DYM: variants seen among roughly 807,000 people sequenced by gnomAD.
The protein encoded by DYM is dymeclin, also known as dyggve-Melchior-Clausen syndrome protein.
Under a neutral mutation model 93.1 loss-of-function variants are expected in DYM, and 78 were observed. The observed-to-expected ratio is 0.84, with a 90% CI of 0.70 to 1.01. DYM has a LOEUF of 1.01. Among genes scored for constraint, DYM ranks in the 50% least tolerant of loss-of-function variants. The pLI is 0.00. For missense variants in DYM, 789 were observed against 845.0 expected (o/e 0.93, Z 0.82); for synonymous variants, 321 against 319.7 (o/e 1.00, Z -0.04).
rs1203889860 is a variant in DYM, at chr18:49,340,102, C to T, written c.495-6249G>A. Among the ~76,000 whole-genome samples the T allele has an allele frequency of 2.0e-5, 3 of 152,120 alleles. No homozygotes were observed. The East Asian group carries it at 5.8e-4, about 29-fold the overall frequency. ...AGTAGCTGTGAACTACAGGCACCCG[C>T]CACCACGCCCAGCTAATTTTTCTGT... On this transcript the variant is annotated intron_variant, in intron 6 of 17. Coordinates refer to ENST00000675505, the MANE Select transcript of DYM (RefSeq NM_001353214.3).
At chr18:49,434,188 C>CA (rs886392499) in intron 1 of DYM, among the ~76,000 whole-genome samples, 15 of 150,858 alleles carry the variant, frequency 9.9e-5, no homozygotes, top group South Asian at 6.3e-4. Context: ...TACTAAAATA[C>CA]AAAAAAAAAT....
At chr18:49,144,371 C>A (rs7242876) in intron 15 of DYM, among the ~76,000 whole-genome samples, 114,341 of 151,844 alleles carry the variant, frequency 0.75, 43,874 homozygotes, top group Non-Finnish European at 0.83. Flanking sequence ...GAAACATAAT[C>A]TATGGTTCCC....
At chr18:49,224,386 G>A (rs975551761) in intron 13 of DYM, among the ~76,000 whole-genome samples, 2 of 152,036 alleles carry the variant, frequency 1.3e-5, no homozygotes, top group African/African-American at 2.4e-5. Context: ...GTGAGTCATC[G>A]GTGTAAGGAT....
At chr18:49,184,304 A>G (rs2090220039) in intron 14 of DYM, among the ~76,000 whole-genome samples, 1 of 151,772 alleles carries the variant, frequency 6.6e-6, no homozygotes, top group Non-Finnish European at 1.5e-5. Context: ...TTGAAAGAGT[A>G]TTGTCACTTC....
chr18:49,214,837 A>G (rs1223186788), intron 13 of DYM, among the ~76,000 whole-genome samples: 2 of 152,328 alleles, frequency 1.3e-5, no homozygotes. Context: ...AGATGTGAAT[A>G]AGATGATGAT....
intron 3 of DYM, among the ~76,000 whole-genome samples, chr18:49,381,721 T>C (rs967756377): frequency 3.3e-5 from 5 of 152,236 alleles, no homozygotes; most frequent in Admixed American, 6.5e-5. Context: ...AGAATCCCAC[T>C]GTGAGTAGCA....
chr18:49,428,875 CAT>C (rs907616546), intron 2 of DYM, among the ~76,000 whole-genome samples: 36 of 152,194 alleles, frequency 2.4e-4, no homozygotes, highest in Admixed American at 2.3e-3. Context: ...ATATATGAAA[CAT>C]ATCTCAAAAA....
intron 8 of DYM, among the ~76,000 whole-genome samples, chr18:49,331,388 C>G (rs190870981): frequency 6.6e-6 from 1 of 152,316 alleles, no homozygotes; most frequent in Admixed American, 6.5e-5. Context: ...CAAGTTTGTG[C>G]CATTTCACAG....
Position 49,374,675 on chromosome 18 carries a change from T to TA in DYM, c.421+3891dup, listed in dbSNP as rs2067326084. 2.0e-5 allele frequency among the ~76,000 whole-genome samples: 3 copies of TA among 152,182 alleles called. No homozygotes were observed. The South Asian group carries it at 6.2e-4, about 32-fold the overall frequency. Reference sequence around the variant, plus strand: ...GTAGCTTCAATAAAATTTGGCTGCCTAGGCCAGGCCCAGTGGCTCACACCT... The same window carrying TA: ...GTAGCTTCAATAAAATTTGGCTGCCTAAGGCCAGGCCCAGTGGCTCACACCT... On this transcript the variant is annotated intron_variant, in intron 5 of 17. Transcript: ENST00000675505.
At chr18:49,340,003 T>G (rs1247456639) in intron 6 of DYM, among the ~76,000 whole-genome samples, 4 of 152,182 alleles carry the variant, frequency 2.6e-5, no homozygotes, top group Non-Finnish European at 4.4e-5. Flanking sequence ...CAGGCTGGAG[T>G]GCAGTGGCGC....
chr18:49,422,366 A>C (rs1427845446), intron 2 of DYM, among the ~76,000 whole-genome samples: 2 of 152,200 alleles, frequency 1.3e-5, no homozygotes, highest in African/African-American at 2.4e-5. Flanking sequence ...TTCTTAAAGA[A>C]AATAATTTTC....
chr18:49,108,453 G>A (rs944674080), intron 16 of DYM, among the ~76,000 whole-genome samples: 1 of 152,218 alleles, frequency 6.6e-6, no homozygotes, highest in East Asian at 1.9e-4. Flanking sequence ...GATGAACCCG[G>A]TATCTCAGTT....
At chr18:49,420,821 C>T (rs1015753670) in intron 2 of DYM, among the ~76,000 whole-genome samples, 4 of 152,162 alleles carry the variant, frequency 2.6e-5, no homozygotes, top group African/African-American at 9.7e-5. Context: ...CCTAATACTG[C>T]CCTTTTCCAA....
chr18:49,351,612 T>A (rs777276323), intron 6 of DYM, among the ~76,000 whole-genome samples: 4 of 149,810 alleles, frequency 2.7e-5, no homozygotes, highest in Non-Finnish European at 5.9e-5. Context: ...TACAGAGCAA[T>A]GATAATCAGA....
chr18:49,237,437 GA>G (rs2093904949), intron 13 of DYM, among the ~76,000 whole-genome samples: 1 of 152,062 alleles, frequency 6.6e-6, no homozygotes, highest in African/African-American at 2.4e-5. Flanking sequence ...TACGCAAGTA[GA>G]AAATCATCTA....
chr18:49,217,022 T>C (rs931072203), intron 13 of DYM, among the ~76,000 whole-genome samples: 5 of 152,134 alleles, frequency 3.3e-5, no homozygotes, highest in African/African-American at 1.2e-4. Flanking sequence ...TTTAGACGAA[T>C]GTATAACTAG....
intron 17 of DYM, among the ~76,000 whole-genome samples, chr18:49,090,039 G>C (rs983892169): frequency 1.3e-5 from 2 of 152,156 alleles, no homozygotes; most frequent in African/African-American, 4.8e-5. Context: ...GTCAGACCAT[G>C]GAGTTCATAA....
At chr18:49,168,444 A>G (rs542707150) in intron 14 of DYM, among the ~76,000 whole-genome samples, 6 of 152,332 alleles carry the variant, frequency 3.9e-5, no homozygotes, top group East Asian at 1.9e-4. Flanking sequence ...TGTAAACAGA[A>G]TAAGTGTGGT....
chr18:49,164,986 A>G (rs974984435), intron 14 of DYM, among the ~76,000 whole-genome samples: 2 of 152,184 alleles, frequency 1.3e-5, no homozygotes, highest in African/African-American at 4.8e-5. Context: ...AGATTTTCAG[A>G]CTGGATAAAA....
Sources: allele counts gnomAD v4.1 joint callset (sites outside exome capture counted in the v4.1 genomes callset), GRCh38; gene constraint gnomAD v4.1.1; transcripts MANE v1.5; gene names NCBI Gene and HGNC (gene_info 2026-07-23, HGNC 2026-07-21).